The following CALHM4 variants were observed in gnomAD, a reference collection of about 807,000 sequenced individuals.
The protein encoded by CALHM4 is calcium homeostasis modulator protein 4.
In CALHM4, 16 loss-of-function variants were observed where a neutral mutation model predicts 13.3. The ratio of observed to expected loss-of-function variants is 1.20; its 90% confidence interval spans 0.81 to 1.82. The LOEUF is 1.82. Ranked by LOEUF, CALHM4 falls within the 40% of genes most tolerant of loss-of-function variation. The probability of loss-of-function intolerance (pLI) is 0.00; values close to 1 mark genes in which losing one functional copy is unlikely to be tolerated. For synonymous variants in CALHM4, 127 were observed against 137.1 expected, an observed-to-expected ratio of 0.93 and a Z score of 0.52; for missense variants, 344 against 374.9, an observed-to-expected ratio of 0.92 and a Z score of 0.68.
At chr6:116,557,653 C>G (rs1189163391) in intron 1 of CALHM4, among the ~76,000 whole-genome samples, 172 bp from the exon 2 acceptor site, 1 of 152,160 alleles carries the variant, frequency 6.6e-6, no homozygotes, top group Non-Finnish European at 1.5e-5. Context: ...TCCATCAGAC[C>G]TATTTCCAAA....
rs1008844407 is a variant in CALHM4 at position 116,553,974 on chromosome 6, T to G, written c.181T>G (p.Leu61Val). 3.9e-6 allele frequency: 6 copies of G among 1,550,576 alleles called. No individual in the cohort carries two copies. The highest frequency in any genetic ancestry group is 5.2e-6 in the Non-Finnish European group (6 of 1,147,024). ...YGSAFLVIPA[L>V]ILLVAGFALR... The stretch of plus-strand genomic sequence containing the variant: ...TTCTGCTTTTCTTGTCATTCCTGCC[T>G]TGATCCTTCTCGTTGCTGGCTTTGC... Residue 61 changes from leucine (L) to valine (V), a missense_variant, in exon 1 of 2, where the codon TTG (leucine) becomes GTG (valine). Leu to Val is a conservative substitution (Grantham distance 32). Transcript: ENST00000368596.
At chr6:116,544,828 A>G (rs529507911) in intron 2 of CALHM4, among the ~76,000 whole-genome samples, 92 of 152,236 alleles carry the variant, frequency 6.0e-4, no homozygotes, top group African/African-American at 2.2e-3. Flanking sequence ...AATGCCCATC[A>G]GTCTCCTGAC....
intron 1 of CALHM4, among the ~76,000 whole-genome samples, chr6:116,554,620 T>C (rs1774228866): frequency 6.6e-6 from 1 of 152,158 alleles, no homozygotes. Flanking sequence ...ACCTACCACA[T>C]GGGGCTGCTG....
rs569308754 is a variant in CALHM4, at chr6:116,559,840, G to T, written c.*1629G>T. 3.9e-5 allele frequency among the ~76,000 whole-genome samples: 6 copies of T among 152,056 alleles called. No homozygotes were observed. The highest frequency in any genetic ancestry group is 3.9e-4 in the Admixed American group (6 of 15,268). ...CTTTCTGAAATGGTAGTAGACCCAC[G>T]TTGCTTCTCTTGGAAGGAAAATGTC... is the stretch of plus-strand genomic sequence containing the variant. On this transcript the variant is annotated 3_prime_UTR_variant, in exon 2 of 2. Coordinates refer to ENST00000368596, the MANE Select transcript of CALHM4 (RefSeq NM_001366078.2).
chr6:116,555,470 A>G (rs1046058049), intron 1 of CALHM4, among the ~76,000 whole-genome samples: 1 of 152,226 alleles, frequency 6.6e-6, no homozygotes, highest in Non-Finnish European at 1.5e-5. Flanking sequence ...TACCATTGCC[A>G]GTAGATTGTT....
In CALHM4 at chr6:116,560,653, G is replaced by T. The variant is rs75052897; in HGVS notation, c.*2442G>T. On this transcript the variant is annotated 3_prime_UTR_variant, in exon 2 of 2. Coordinates refer to ENST00000368596, the MANE Select transcript of CALHM4 (RefSeq NM_001366078.2). ...ATAAATGGAATTTTTAGTATTTTGGGGGGGGGGGGGGCTATGGTCTATAGC... is the reference window on the plus strand; with the variant it reads ...ATAAATGGAATTTTTAGTATTTTGGTGGGGGGGGGGGCTATGGTCTATAGC... 3.5e-3 allele frequency among the ~76,000 whole-genome samples: 51 copies of T among 14,714 alleles called. No individual in the cohort carries two copies. The Middle Eastern group carries it at 0.25, about 72-fold the overall frequency. 9.7% of individuals were successfully genotyped at this position (14,714 alleles called of 152,430 possible).
chr6:116,539,479 G>C lies in CALHM4; in HGVS notation c.-108-4286G>C, dbSNP rs546863667. Among the ~76,000 whole-genome samples, 200 of 152,182 alleles carry C rather than the reference G, an allele frequency of 1.3e-3. 1 individual carries two copies. Among genetic ancestry groups the C allele is most frequent in the Admixed American group, 4.7e-3 (72 of 15,278 alleles). Reference sequence around the variant, plus strand: ...TTCCCCACATATACTATTATTTACTGTTCATCATATTATTTCTGGAACTTA... The same window carrying C: ...TTCCCCACATATACTATTATTTACTCTTCATCATATTATTTCTGGAACTTA... On this transcript the variant is annotated intron_variant, in intron 1 of 2. Transcript: ENST00000368597.
At chr6:116,552,612 A>G (rs1236202646), upstream of CALHM4, among the ~76,000 whole-genome samples, 44 of 152,194 alleles carry the variant, frequency 2.9e-4, no homozygotes, top group Admixed American at 2.9e-3. Flanking sequence ...AACCATGTCC[A>G]GTTAAAAGTT....
intron 2 of CALHM4, chr6:116,545,602 G>T: frequency 8.1e-7 from 1 of 1,237,594 alleles, no homozygotes; most frequent in Non-Finnish European, 1.1e-6. Flanking sequence ...TTTTTGTTTT[G>T]TTTTTGTAAG....
At chr6:116,539,186 G>C (rs149568080) in intron 1 of CALHM4, among the ~76,000 whole-genome samples, 1 of 152,136 alleles carries the variant, frequency 6.6e-6, no homozygotes, top group Non-Finnish European at 1.5e-5. Context: ...TATTCTTGTA[G>C]TATTGCCTAT....
chr6:116,546,299 C>G (rs1030515307), intron 2 of CALHM4, among the ~76,000 whole-genome samples: 1 of 152,140 alleles, frequency 6.6e-6, no homozygotes, highest in African/African-American at 2.4e-5. Context: ...CTATTGAAGG[C>G]TCTCTTTATT....
intron 2 of CALHM4, chr6:116,545,466 A>G (rs1773723935): frequency 1.9e-6 from 3 of 1,543,740 alleles, no homozygotes; most frequent in Non-Finnish European, 2.6e-6. Flanking sequence ...TTGTAGAAAG[A>G]TCTTACTATT....
At chr6:116,552,685 G>A (rs1774130689), upstream of CALHM4, among the ~76,000 whole-genome samples, 1 of 152,098 alleles carries the variant, frequency 6.6e-6, no homozygotes, top group Non-Finnish European at 1.5e-5. Flanking sequence ...GCCTAGTTCA[G>A]TGCCCTTTAT....
upstream of CALHM4, among the ~76,000 whole-genome samples, chr6:116,552,968 C>T (rs987602535): frequency 2.3e-4 from 35 of 151,930 alleles, no homozygotes; most frequent in Admixed American, 2.2e-3. Flanking sequence ...CAGCTACTCA[C>T]GAGGCTGAGG....
upstream of CALHM4, among the ~76,000 whole-genome samples, chr6:116,550,047 CAT>C (rs1322067589): frequency 6.9e-6 from 1 of 144,644 alleles, no homozygotes; most frequent in Non-Finnish European, 1.5e-5. Flanking sequence ...CACACACACA[CAT>C]CCATAATTAT....
upstream of CALHM4, among the ~76,000 whole-genome samples, chr6:116,550,297 G>C (rs1270367631): frequency 6.6e-6 from 1 of 151,954 alleles, no homozygotes; most frequent in Non-Finnish European, 1.5e-5. Flanking sequence ...CTATTTTTCA[G>C]TGACTTTGTA....
chr6:116,542,536 C>CCT (rs991672507), intron 1 of CALHM4, among the ~76,000 whole-genome samples: 2 of 152,088 alleles, frequency 1.3e-5, no homozygotes, highest in Non-Finnish European at 2.9e-5. Context: ...TCCAGTCTTT[C>CCT]CTCTGTTAGA....
In CALHM4 at chr6:116,558,717, T is replaced by A. The variant is rs1344192121; in HGVS notation, c.*506T>A. 6.6e-6 allele frequency: 1 copy of A among 152,598 alleles called. No individual in the cohort carries two copies. The highest frequency in any genetic ancestry group is 1.5e-5 in the Non-Finnish European group (1 of 68,376). 9.5% of individuals were successfully genotyped at this position (152,598 alleles called of 1,614,324 possible). On this transcript the variant is annotated 3_prime_UTR_variant, in exon 2 of 2. Transcript: ENST00000368596. ...TATCAGTTTCTACCTTTATATAATG[T>A]CCAGAACTTTTCACAGCCTCCCCCT...
chr6:116,553,619 AGCTCAGG>A (rs1774175487), upstream of CALHM4: 10 of 631,178 alleles, frequency 1.6e-5, no homozygotes, highest in Non-Finnish European at 2.7e-5. Flanking sequence ...AATCAATCTG[AGCTCAGG>A]GTTTTCAAAG....
Sources: allele counts gnomAD v4.1 joint callset (sites outside exome capture counted in the v4.1 genomes callset), GRCh38; gene constraint gnomAD v4.1.1; transcripts MANE v1.5; gene names NCBI Gene and HGNC (gene_info 2026-07-23, HGNC 2026-07-21).